Variants in SIGLEC15 observed in about 807,000 individuals in gnomAD.
SIGLEC15 encodes the protein sialic acid-binding Ig-like lectin 15.
SIGLEC15 carries 31 observed loss-of-function variants against 26.2 expected under a neutral mutation model. The observed-to-expected ratio is 1.18, with a 90% CI of 0.89 to 1.60. The LOEUF (loss-of-function observed/expected upper bound fraction) is 1.60. Among genes scored for constraint, SIGLEC15 ranks in the 40% most tolerant of loss-of-function variants. The probability of loss-of-function intolerance (pLI) is 0.00; values close to 1 mark genes in which losing one functional copy is unlikely to be tolerated. For missense variants in SIGLEC15, 501 were observed against 488.4 expected (o/e 1.03, Z -0.24); for synonymous variants, 207 against 221.9 (o/e 0.93, Z 0.60).
In SIGLEC15 at chr18:45,837,520, A is replaced by G. The variant is rs1234617775; in HGVS notation, c.120A>G (p.Pro40=). Reference sequence around the variant, plus strand: ...AGCCCGCCCCGCCCTCAGGCTCGCCAGCGCAGCGCTGGTCCATGCAGGTGC... The same window carrying G: ...AGCCCGCCCCGCCCTCAGGCTCGCCGGCGCAGCGCTGGTCCATGCAGGTGC... ...NLLNTEVHSS[P]AQRWSMQVPP... Residue 40 remains proline, a synonymous_variant, in exon 3 of 6, where the codon CCA becomes CCG. Coordinates refer to ENST00000389474, the MANE Select transcript of SIGLEC15 (RefSeq NM_213602.3). The G allele has an allele frequency of 3.1e-5, 47 of 1,500,278 alleles. No individual in the cohort carries two copies. The highest frequency in any genetic ancestry group is 4.1e-5 in the Non-Finnish European group (47 of 1,133,862). 92.9% of individuals were successfully genotyped at this position (1,500,278 alleles called of 1,614,324 possible).
chr18:45,827,519 G>A (rs1379182365), intron 1 of SIGLEC15, among the ~76,000 whole-genome samples: 2 of 152,202 alleles, frequency 1.3e-5, no homozygotes, highest in Non-Finnish European at 2.9e-5. Flanking sequence ...TTGAGGGTGT[G>A]GATGTTGGCA....
At chr18:45,828,285 C>G (rs2048202694) in intron 1 of SIGLEC15, among the ~76,000 whole-genome samples, 1 of 152,134 alleles carries the variant, frequency 6.6e-6, no homozygotes, top group Non-Finnish European at 1.5e-5. Flanking sequence ...CCAGAAAGGC[C>G]CCTTCTACTT....
At chr18:45,826,246 G>C (rs553440858) in intron 1 of SIGLEC15, among the ~76,000 whole-genome samples, 1 of 152,276 alleles carries the variant, frequency 6.6e-6, no homozygotes, top group South Asian at 2.1e-4. Flanking sequence ...GGGATATAGT[G>C]AGGGATAGAG....
At chr18:45,841,450 A>G (rs1254476270) in intron 5 of SIGLEC15, among the ~76,000 whole-genome samples, 1 of 152,132 alleles carries the variant, frequency 6.6e-6, no homozygotes, top group Non-Finnish European at 1.5e-5. Context: ...TGCAATGGGA[A>G]GTCACTGAAT....
At chr18:45,839,600 C>T (rs1040950762) in intron 4 of SIGLEC15, among the ~76,000 whole-genome samples, 1 of 152,144 alleles carries the variant, frequency 6.6e-6, no homozygotes, top group Non-Finnish European at 1.5e-5. Context: ...CTGCAGAAGC[C>T]AGAGGAAGGT....
chr18:45,838,926 C>T lies in SIGLEC15; in HGVS notation c.705C>T (p.Tyr235=). Residue 235 remains tyrosine, a synonymous_variant, in exon 4 of 6, where the codon TAC becomes TAT. Transcript: ENST00000389474. The part of the protein sequence containing the change: ...ELPALTHDGR[Y]TCTAANSLGR... ...CCGCACTGACCCATGACGGCCGCTA[C>T]ACGTGTACGGCCGCCAACAGCCTGG... 6.2e-7 allele frequency: 1 copy of T among 1,604,490 alleles called. No homozygotes were observed. The highest frequency in any genetic ancestry group is 1.1e-5 in the South Asian group (1 of 90,436).
chr18:45,839,230 T>C (rs1226449561), intron 4 of SIGLEC15, 135 bp downstream of exon 4: 5 of 1,212,460 alleles, frequency 4.1e-6, no homozygotes, highest in Non-Finnish European at 5.3e-6. Flanking sequence ...GGCGCTTTCC[T>C]CTCTTTGCAT....
chr18:45,834,012 C>T (rs1036505200), intron 1 of SIGLEC15, among the ~76,000 whole-genome samples: 12 of 152,190 alleles, frequency 7.9e-5, no homozygotes, highest in African/African-American at 2.9e-4. Flanking sequence ...GCTCTGGCCT[C>T]ATTACGCCTT....
intron 2 of SIGLEC15, 58 bp from the exon 3 acceptor site, chr18:45,837,455 G>A (rs2048284514): frequency 2.8e-6 from 4 of 1,421,102 alleles, no homozygotes; most frequent in African/African-American, 3.0e-5. Flanking sequence ...TCCAGGCCCC[G>A]GGTGCGGGCG....
rs776812908 is a variant in SIGLEC15 at position 45,839,016 on chromosome 18, C to T, written c.795C>T (p.Ala265=). The T allele has an allele frequency of 4.4e-6, 7 of 1,587,066 alleles. No homozygotes were observed. In the South Asian group the frequency reaches 6.8e-5, roughly 15 times the overall value. The change falls in exon 4 of 6, where the codon GCC becomes GCT. Residue 265 remains alanine (A), a synonymous_variant. Transcript: ENST00000389474. The part of the protein sequence containing the change: ...FHGASGASTV[A]LLLGALGFKA... ...GCGCCAGCGGGGCCTCGACGGTCGCCCTCCTGCTCGGCGCTCTCGGCTTCA... is the reference window on the plus strand; with the variant it reads ...GCGCCAGCGGGGCCTCGACGGTCGCTCTCCTGCTCGGCGCTCTCGGCTTCA...
chr18:45,830,752 A>ATTTTTTTT (rs34498635), intron 1 of SIGLEC15, among the ~76,000 whole-genome samples: 2 of 118,120 alleles, frequency 1.7e-5, no homozygotes, highest in African/African-American at 3.4e-5. Flanking sequence ...TGCCAGGCTA[A>ATTTTTTTT]TTTTTTTTTT....
At chr18:45,829,784 C>T (rs2048217059) in intron 1 of SIGLEC15, among the ~76,000 whole-genome samples, 1 of 152,180 alleles carries the variant, frequency 6.6e-6, no homozygotes, top group Admixed American at 6.5e-5. Flanking sequence ...GACTCCAGCT[C>T]TGAGGGCCAC....
intron 5 of SIGLEC15, among the ~76,000 whole-genome samples, 159 bp downstream of exon 5, chr18:45,840,400 C>T (rs1454159500): frequency 6.6e-6 from 1 of 152,128 alleles, no homozygotes; most frequent in African/African-American, 2.4e-5. Flanking sequence ...CAAGGCACCC[C>T]TCTTGCAGCC....
rs753649293 is a variant in SIGLEC15, at chr18:45,838,732, G to T, written c.511G>T (p.Val171Phe). ...CTCCCCTGCAGCCGCGCCGCGGATC[G>T]TCAACATCTCGGTGCTGCCCAGTCC... is the stretch of plus-strand genomic sequence containing the variant. ...RLHVTAAPRI[V>F]NISVLPSPAH... Residue 171 changes from valine (V) to phenylalanine (F), a missense_variant, in exon 4 of 6, where the codon GTC becomes TTC. By Grantham distance (50) the Val-to-Phe change is conservative. Transcript: ENST00000389474. 1.9e-6 allele frequency: 3 copies of T among 1,578,208 alleles called. No homozygotes were observed. The highest frequency in any genetic ancestry group is 2.6e-6 in the Non-Finnish European group (3 of 1,171,426).
At position 45,842,361 on chromosome 18, in the gene SIGLEC15, T is replaced by C. The variant is rs958933402; in HGVS notation, c.*174T>C. On this transcript the variant is annotated 3_prime_UTR_variant, in exon 6 of 6. Coordinates refer to ENST00000389474, the MANE Select transcript of SIGLEC15 (RefSeq NM_213602.3). ...TCAAGGAGGCTCATCTGGCCTCCTATGTGGACAACCATTTCGGAGCTCCCT... is the reference window on the plus strand; with the variant it reads ...TCAAGGAGGCTCATCTGGCCTCCTACGTGGACAACCATTTCGGAGCTCCCT... The C allele has an allele frequency of 7.9e-6, 5 of 629,202 alleles. No homozygotes were observed. In the Admixed American group the frequency reaches 1.5e-4, roughly 18 times the overall value. 39.0% of individuals were successfully genotyped at this position (629,202 alleles called of 1,614,324 possible).
At chr18:45,838,667 G>GGCTAA in intron 3 of SIGLEC15, 51 bp from the exon 4 acceptor site, 1 of 1,490,814 alleles carries the variant, frequency 6.7e-7, no homozygotes, top group South Asian at 1.3e-5. Flanking sequence ...GCGTCCAAAG[G>GGCTAA]GCTAAGGGGA....
intron 1 of SIGLEC15, among the ~76,000 whole-genome samples, chr18:45,835,523 A>T (rs929823188): frequency 1.3e-5 from 2 of 152,228 alleles, no homozygotes; most frequent in African/African-American, 4.8e-5. Context: ...AAAAAATAAA[A>T]GGCCATGAAA....
chr18:45,830,583 C>CTTTTTTTTTTTTTT lies in SIGLEC15; in HGVS notation c.52+4810_52+4823dup, dbSNP rs56404391. On this transcript the variant is annotated intron_variant, in intron 1 of 5. Transcript: ENST00000389474. The stretch of plus-strand genomic sequence containing the variant: ...TTATTTTAGCTAGATATTTTTCTTT[C>CTTTTTTTTTTTTTT]TTTTTTTTTTTTTTTTTTTTGAGAC... 8.3e-5 allele frequency among the ~76,000 whole-genome samples: 8 copies of CTTTTTTTTTTTTTT among 96,702 alleles called. 1 individual carries two copies. Among genetic ancestry groups the CTTTTTTTTTTTTTT allele is most frequent in the African/African-American group, 1.7e-4 (4 of 23,588 alleles). 63.4% of individuals were successfully genotyped at this position (96,702 alleles called of 152,430 possible).
intron 1 of SIGLEC15, among the ~76,000 whole-genome samples, chr18:45,835,520 A>G (rs2048269666): frequency 6.6e-6 from 1 of 152,232 alleles, no homozygotes; most frequent in African/African-American, 2.4e-5. Flanking sequence ...GAGAAAAAAT[A>G]AAAGGCCATG....
Sources: gnomAD v4.1 joint callset for allele counts (sites outside exome capture counted in the v4.1 genomes callset) on GRCh38, gnomAD v4.1.1 for gene constraint, MANE v1.5 for transcripts, NCBI Gene and HGNC (gene_info 2026-07-23, HGNC 2026-07-21) for gene names.